The following RAB3IP variants were observed in gnomAD, a reference collection of about 807,000 sequenced individuals.
RAB3IP encodes the protein RAB3A interacting protein.
RAB3IP carries 36 observed loss-of-function variants against 59.1 expected under a neutral mutation model. The ratio of observed to expected loss-of-function variants is 0.61; its 90% CI spans 0.47 to 0.80. RAB3IP has a LOEUF of 0.80. Among genes scored for constraint, RAB3IP ranks in the 30% least tolerant of loss-of-function variants. The pLI, the probability that RAB3IP is intolerant of heterozygous loss-of-function variation, is 0.00. For missense variants in RAB3IP, 511 were observed against 536.0 expected (o/e 0.95, Z 0.46); for synonymous variants, 207 against 191.2 (o/e 1.08, Z -0.68).
At chr12:69,796,568 T>C in intron 6 of RAB3IP, 1 of 516,354 alleles carries the variant, frequency 1.9e-6, no homozygotes, top group Admixed American at 3.6e-5. Flanking sequence ...GCCAGGAGTT[T>C]ATTAAATGGA....
At chr12:69,807,840 T>G (rs1266294717) in intron 8 of RAB3IP, among the ~76,000 whole-genome samples, 37 of 98,766 alleles carry the variant, frequency 3.7e-4, no homozygotes, top group South Asian at 7.5e-4. Flanking sequence ...GGGGCGGCCG[T>G]GCGGAGGCGC....
chr12:69,779,338 C>T (rs931689490), intron 3 of RAB3IP, among the ~76,000 whole-genome samples: 2 of 148,936 alleles, frequency 1.3e-5, no homozygotes, highest in Non-Finnish European at 3.0e-5. Context: ...GAGATGAACC[C>T]GGTACCTCAG....
Position 69,822,251 on chromosome 12 carries a change from A to C in RAB3IP, c.*6805A>C, listed in dbSNP as rs1328164155. 1 of 152,192 alleles carries C rather than the reference A, an allele frequency of 6.6e-6. No individual in the cohort carries two copies. Among genetic ancestry groups the C allele is most frequent in the African/African-American group, 2.4e-5 (1 of 41,436 alleles). The allele number at this position is 152,192 out of a possible 1,614,324, so 9.4% of individuals were successfully genotyped here. On this transcript the variant is annotated 3_prime_UTR_variant, in exon 11 of 11. Transcript: ENST00000247833. ...TGCTCCCTACATCCAGCCAGTAACC[A>C]TTGCTTTGTTTTACATCGCGTGCTT...
Position 69,755,766 on chromosome 12 carries a change from G to T in RAB3IP, c.251+107G>T, listed in dbSNP as rs948468188. 6 of 889,928 alleles carry T rather than the reference G, an allele frequency of 6.7e-6. No homozygotes were observed. In the East Asian group the frequency reaches 8.0e-5, roughly 12 times the overall value. 55.1% of individuals were successfully genotyped at this position (889,928 alleles called of 1,614,324 possible). ...TTTAGAAAATTTGAATAACTTAAGTGTGCCTAGGTAAAGAAATACATGACC... is the reference window on the plus strand; with the variant it reads ...TTTAGAAAATTTGAATAACTTAAGTTTGCCTAGGTAAAGAAATACATGACC... On this transcript the variant is annotated intron_variant, in intron 2 of 10. Transcript: ENST00000247833.
chr12:69,813,134 A>G (rs1880692074), intron 10 of RAB3IP, 101 bp downstream of exon 10: 4 of 775,870 alleles, frequency 5.2e-6, no homozygotes, highest in Admixed American at 2.6e-5. Flanking sequence ...TGCTCATATC[A>G]GCTTTATTGT....
At chr12:69,783,622 G>A (rs548956355) in intron 3 of RAB3IP, among the ~76,000 whole-genome samples, 3 of 152,234 alleles carry the variant, frequency 2.0e-5, no homozygotes, top group Non-Finnish European at 4.4e-5. Context: ...TCACCTGCAA[G>A]TTGGAGCCTG....
rs1345515457 is a variant in RAB3IP, at chr12:69,786,802, AGGCAAT to A, written c.606+1988_606+1993del. ...GGGCCAGAAATGCAGCTTAGGCAAT[AGGCAAT>A]AAGTGAAAAAGCATATCTAAAAAAT... On this transcript the variant is annotated intron_variant, in intron 4 of 10. Coordinates refer to ENST00000247833, the MANE Select transcript of RAB3IP (RefSeq NM_022456.5). 2.0e-5 allele frequency among the ~76,000 whole-genome samples: 3 copies of A among 151,544 alleles called. No individual in the cohort carries two copies. In the East Asian group the frequency reaches 5.8e-4, roughly 29 times the overall value.
intron 7 of RAB3IP, 31 bp downstream of exon 7, chr12:69,800,368 T>C (rs765560100): frequency 9.6e-6 from 13 of 1,358,410 alleles, no homozygotes; most frequent in Non-Finnish European, 1.3e-5. Context: ...TAGGAATTCA[T>C]TATAGTTGTT....
chr12:69,755,433 T>C lies in RAB3IP; in HGVS notation c.25T>C (p.Phe9Leu). 2 of 1,614,180 alleles carry C rather than the reference T, an allele frequency of 1.2e-6. No individual in the cohort carries two copies. Among genetic ancestry groups the C allele is most frequent in the South Asian group, 1.1e-5 (1 of 91,082 alleles). Residue 9 changes from phenylalanine (F) to leucine (L), a missense_variant, in exon 2 of 11, where the codon TTC becomes CTC. Phe to Leu is a conservative substitution (Grantham distance 22). Coordinates refer to ENST00000247833, the MANE Select transcript of RAB3IP (RefSeq NM_022456.5). ...TATGGCTAATGATCCCTTGGAAGGC[T>C]TCCATGAAGTAAACCTTGCTTCACC... is the stretch of plus-strand genomic sequence containing the variant. MANDPLEGFHEVNLASPTS... is the reference protein window; with the variant it reads MANDPLEGLHEVNLASPTS...
intron 3 of RAB3IP, among the ~76,000 whole-genome samples, chr12:69,760,063 A>G (rs1159131401): frequency 5.9e-5 from 9 of 152,180 alleles, no homozygotes; most frequent in Admixed American, 5.9e-4. Context: ...AGCCGAGATC[A>G]TGCCACTGCA....
chr12:69,751,389 C>CT (rs1437170057), intron 1 of RAB3IP, among the ~76,000 whole-genome samples: 3 of 151,802 alleles, frequency 2.0e-5, no homozygotes, highest in Admixed American at 6.6e-5. Flanking sequence ...AGCCTGTGTT[C>CT]TTTTTTTTGG....
intron 3 of RAB3IP, among the ~76,000 whole-genome samples, chr12:69,775,333 A>G (rs1873731620): frequency 7.1e-6 from 1 of 141,402 alleles, no homozygotes; most frequent in African/African-American, 2.7e-5. Flanking sequence ...GGTGTTTTCT[A>G]GATAAACAAT....
At chr12:69,739,270 G>C (rs926535964) in intron 1 of RAB3IP, 3 of 152,242 alleles carry the variant, frequency 2.0e-5, no homozygotes, top group African/African-American at 7.2e-5. Flanking sequence ...GGACTTTGGC[G>C]ACCCGGGTCA....
At chr12:69,815,224 TTA>T (rs1880995216) in intron 10 of RAB3IP, 138 bp from the exon 11 acceptor site, 7 of 601,142 alleles carry the variant, frequency 1.2e-5, no homozygotes, top group Non-Finnish European at 2.0e-5. Context: ...GTGGAAAAGT[TTA>T]TGTGAATTAT....
At chr12:69,783,235 G>C (rs1265442396) in intron 3 of RAB3IP, among the ~76,000 whole-genome samples, 2 of 152,118 alleles carry the variant, frequency 1.3e-5, no homozygotes, top group Non-Finnish European at 2.9e-5. Flanking sequence ...GTTGTTTTTG[G>C]AGTGTGTGTG....
At chr12:69,767,927 A>G (rs1418065396) in intron 3 of RAB3IP, among the ~76,000 whole-genome samples, 6 of 150,672 alleles carry the variant, frequency 4.0e-5, no homozygotes, top group African/African-American at 9.8e-5. Flanking sequence ...TTTCTGCACA[A>G]GAGGGGTGAG....
At chr12:69,801,293 A>G (rs1454382763) in intron 7 of RAB3IP, among the ~76,000 whole-genome samples, 1 of 152,216 alleles carries the variant, frequency 6.6e-6, no homozygotes, top group South Asian at 2.1e-4. Context: ...AAGCTTTAGG[A>G]TATTCATTTT....
intron 3 of RAB3IP, among the ~76,000 whole-genome samples, chr12:69,764,251 T>C (rs1432238452): frequency 6.6e-6 from 1 of 152,176 alleles, no homozygotes; most frequent in East Asian, 1.9e-4. Flanking sequence ...TCCTAGGTTG[T>C]TTTCTAGGAT....
intron 1 of RAB3IP, among the ~76,000 whole-genome samples, chr12:69,747,766 A>G (rs1321803598): frequency 6.6e-6 from 1 of 152,234 alleles, no homozygotes; most frequent in Non-Finnish European, 1.5e-5. Flanking sequence ...GTAGACAAGT[A>G]CATTCCTTTA....
Sources: gnomAD v4.1 joint callset for allele counts (sites outside exome capture counted in the v4.1 genomes callset) on GRCh38, gnomAD v4.1.1 for gene constraint, MANE v1.5 for transcripts, NCBI Gene and HGNC (gene_info 2026-07-23, HGNC 2026-07-21) for gene names.